MLLT3: variants seen among roughly 807,000 people sequenced by gnomAD.
MLLT3 encodes the protein MLLT3 super elongation complex subunit.
A neutral mutation model predicts 53.2 loss-of-function variants in MLLT3; 4 were observed. The observed-to-expected ratio is 0.08, with a 90% CI of 0.04 to 0.17. The LOEUF (loss-of-function observed/expected upper bound fraction) is 0.17. Among genes scored for constraint, MLLT3 ranks in the 10% least tolerant of loss-of-function variants. MLLT3 has a pLI of 1.00. For synonymous variants in MLLT3, 283 were observed against 230.6 expected, an observed-to-expected ratio of 1.23 and a Z score of -2.06; for missense variants, 569 against 684.0, an observed-to-expected ratio of 0.83 and a Z score of 1.87.
In MLLT3 at chr9:20,507,488, A is replaced by G. The variant is rs570552929; in HGVS notation, c.194-50702T>C. On this transcript the variant is annotated intron_variant, in intron 2 of 10. Coordinates refer to ENST00000380338, the MANE Select transcript of MLLT3 (RefSeq NM_004529.4). ...ATAAAAAGGTCCTAGTTTATATAAC[A>G]TTTCTTAAAGCTTGCCTTTAAAAAA... 2.0e-4 allele frequency among the ~76,000 whole-genome samples: 30 copies of G among 152,282 alleles called. No individual in the cohort carries two copies. The South Asian group carries it at 5.6e-3, about 28-fold the overall frequency.
chr9:20,460,210 A>G (rs577882021), intron 2 of MLLT3, among the ~76,000 whole-genome samples: 1 of 152,294 alleles, frequency 6.6e-6, no homozygotes, highest in South Asian at 2.1e-4. Context: ...CACTGCATCA[A>G]GTTTATGATA....
chr9:20,347,216 T>C (rs998222209), intron 10 of MLLT3, among the ~76,000 whole-genome samples: 2 of 152,144 alleles, frequency 1.3e-5, no homozygotes, highest in African/African-American at 4.8e-5. Context: ...GCTAGTTACA[T>C]AAGATGTTGT....
At chr9:20,421,818 A>C (rs1823015700) in intron 4 of MLLT3, among the ~76,000 whole-genome samples, 1 of 152,182 alleles carries the variant, frequency 6.6e-6, no homozygotes, top group Non-Finnish European at 1.5e-5. Flanking sequence ...ATACCAAAAG[A>C]ATCAACCCAT....
At position 20,496,820 on chromosome 9, in the gene MLLT3, C is replaced by G. The variant is rs547945390; in HGVS notation, c.194-40034G>C. ...TTCTCAAATCCCTGTCCAACTTCCT[C>G]TACAGATAAACAGTGCTTTAGGCCC... On this transcript the variant is annotated intron_variant, in intron 2 of 10. Coordinates refer to ENST00000380338, the MANE Select transcript of MLLT3 (RefSeq NM_004529.4). Among the ~76,000 whole-genome samples, 3 of 152,300 alleles carry G rather than the reference C, an allele frequency of 2.0e-5. No individual in the cohort carries two copies. The South Asian group carries it at 6.2e-4, about 32-fold the overall frequency.
chr9:20,349,450 A>G (rs1406551229), intron 10 of MLLT3, among the ~76,000 whole-genome samples: 1 of 152,122 alleles, frequency 6.6e-6, no homozygotes, highest in African/African-American at 2.4e-5. Context: ...CTCGCCCCCA[A>G]TGAGTGTTAG....
At position 20,493,340 on chromosome 9, in the gene MLLT3, T is replaced by C. The variant is rs530980034; in HGVS notation, c.194-36554A>G. ...ACAGGTGTTTAAAATATGTTAAAGA[T>C]AGAACCAGGTTAATCTGACCTATCC... On this transcript the variant is annotated intron_variant, in intron 2 of 10. Transcript: ENST00000380338. Among the ~76,000 whole-genome samples the C allele has an allele frequency of 1.6e-4, 25 of 152,152 alleles. No homozygotes were observed. The South Asian group carries it at 4.4e-3, about 26-fold the overall frequency.
intron 2 of MLLT3, 74 bp from the exon 3 acceptor site, chr9:20,456,860 A>C: frequency 8.7e-7 from 1 of 1,144,888 alleles, no homozygotes; most frequent in South Asian, 1.4e-5. Flanking sequence ...AAAAAAAAAA[A>C]TCCCATTCTA....
intron 4 of MLLT3, among the ~76,000 whole-genome samples, chr9:20,439,219 G>A (rs994883132): frequency 3.3e-5 from 5 of 151,978 alleles, no homozygotes; most frequent in Non-Finnish European, 2.9e-5. Context: ...AGCTGGACGT[G>A]GTGGCGTACA....
chr9:20,521,460 G>A (rs201687737), intron 2 of MLLT3, among the ~76,000 whole-genome samples: 1 of 38,780 alleles, frequency 2.6e-5, no homozygotes, highest in Admixed American at 2.7e-4. Flanking sequence ...GTGTGTATAT[G>A]TGTGTGTGTG....
intron 9 of MLLT3, among the ~76,000 whole-genome samples, chr9:20,354,391 C>G (rs1328759500): frequency 6.6e-6 from 1 of 152,202 alleles, no homozygotes; most frequent in Non-Finnish European, 1.5e-5. Context: ...AGGGCTCTGC[C>G]CAAACCAGGC....
intron 2 of MLLT3, among the ~76,000 whole-genome samples, chr9:20,496,534 C>G (rs1297249220): frequency 6.6e-6 from 1 of 152,038 alleles, no homozygotes; most frequent in Admixed American, 6.5e-5. Flanking sequence ...GTTCATAACA[C>G]GCACTGTAAA....
chr9:20,500,025 C>G (rs1326944658), intron 2 of MLLT3, among the ~76,000 whole-genome samples: 1 of 152,322 alleles, frequency 6.6e-6, no homozygotes, highest in East Asian at 1.9e-4. Context: ...AAATGCTTCT[C>G]CAAAGAAACA....
chr9:20,417,803 T>A (rs923721470), intron 4 of MLLT3, among the ~76,000 whole-genome samples: 1 of 152,198 alleles, frequency 6.6e-6, no homozygotes, highest in Admixed American at 6.5e-5. Context: ...ATACTACTTG[T>A]CAGCAACTCA....
chr9:20,482,963 C>A (rs1824702267), intron 2 of MLLT3, among the ~76,000 whole-genome samples: 1 of 152,104 alleles, frequency 6.6e-6, no homozygotes, highest in Admixed American at 6.5e-5. Flanking sequence ...AGCAGTCTAT[C>A]CTCAATTTTC....
intron 2 of MLLT3, among the ~76,000 whole-genome samples, chr9:20,560,873 TG>T (rs1370465086): frequency 6.6e-6 from 1 of 152,180 alleles, no homozygotes. Flanking sequence ...TCAGGGAATT[TG>T]GGGTGTCATC....
rs1159056352 is a variant in MLLT3, at chr9:20,414,330, G to A, written c.516C>T (p.Ser172=). Residue 172 remains serine (S), a synonymous_variant, in exon 5 of 11, where the codon AGC becomes AGT. Transcript: ENST00000380338. ...TGCTGCTACTGCTGCTGCTGCTGCTGCTGCTGCTGCTGCTACTGCTGCTGC... is the reference window on the plus strand; with the variant it reads ...TGCTGCTACTGCTGCTGCTGCTGCTACTGCTGCTGCTGCTACTGCTGCTGC... ...SSSSSSSSSS[S]SSSSSSSSSS... The A allele has an allele frequency of 6.2e-7, 1 of 1,606,662 alleles. No homozygotes were observed. The highest frequency in any genetic ancestry group is 8.5e-7 in the Non-Finnish European group (1 of 1,177,930).
chr9:20,434,616 G>A (rs916845189), intron 4 of MLLT3, among the ~76,000 whole-genome samples: 1 of 152,258 alleles, frequency 6.6e-6, no homozygotes, highest in Middle Eastern at 3.4e-3. Flanking sequence ...AAGAGGAATC[G>A]AAATGCCATC....
At chr9:20,492,981 A>AT (rs1824987563) in intron 2 of MLLT3, among the ~76,000 whole-genome samples, 1 of 151,938 alleles carries the variant, frequency 6.6e-6, no homozygotes, top group Non-Finnish European at 1.5e-5. Flanking sequence ...CCAAGAATGA[A>AT]TGTCACAAGT....
At chr9:20,415,477 C>A (rs1822848294) in intron 4 of MLLT3, 1 of 965,956 alleles carries the variant, frequency 1.0e-6, no homozygotes, top group African/African-American at 1.8e-5. Context: ...GAATAAGAAA[C>A]AGAGAAGATC....
Sources: gnomAD v4.1 joint callset for allele counts (sites outside exome capture counted in the v4.1 genomes callset) on GRCh38, gnomAD v4.1.1 for gene constraint, MANE v1.5 for transcripts, NCBI Gene and HGNC (gene_info 2026-07-23, HGNC 2026-07-21) for gene names.